Variants in KCNIP4 observed in about 807,000 individuals in gnomAD.
KCNIP4 encodes the protein potassium voltage-gated channel interacting protein 4.
In KCNIP4, 12 loss-of-function variants were observed where a neutral mutation model predicts 34.0. The observed-to-expected ratio is 0.35, with a 90% CI of 0.23 to 0.57. The LOEUF is 0.57. KCNIP4 is among the 20% of genes least tolerant of loss of function. The pLI is 0.83. For missense variants in KCNIP4, 238 were observed against 311.7 expected (o/e 0.76, Z 1.78); for synonymous variants, 124 against 102.2 (o/e 1.21, Z -1.29).
intron 1 of KCNIP4, among the ~76,000 whole-genome samples, chr4:21,296,933 T>G (rs970269089): frequency 7.3e-4 from 111 of 151,950 alleles, no homozygotes; most frequent in African/African-American, 2.6e-3. Context: ...ATCGGCATGT[T>G]GAACAATTAA....
In KCNIP4 at chr4:21,180,988, C is replaced by A. The variant is rs191381850; in HGVS notation, c.62-298279G>T. 9.5e-4 allele frequency among the ~76,000 whole-genome samples: 145 copies of A among 152,152 alleles called. 1 individual carries two copies. The highest frequency in any genetic ancestry group is 1.7e-3 in the Non-Finnish European group (115 of 68,000). ...GCTACAGGCAGAATATGACTTCTCC[C>A]AACCAAAGGCAACATTCTTGCTAAC... On this transcript the variant is annotated intron_variant, in intron 1 of 8. Coordinates refer to ENST00000382152, the MANE Select transcript of KCNIP4 (RefSeq NM_025221.6).
At chr4:21,070,889 A>T (rs1381813529) in intron 1 of KCNIP4, among the ~76,000 whole-genome samples, 1 of 151,488 alleles carries the variant, frequency 6.6e-6, no homozygotes, top group Non-Finnish European at 1.5e-5. Context: ...GTTAGCCAGG[A>T]TGGTCTTGAT....
chr4:21,418,487 A>T (rs1577330827), intron 1 of KCNIP4, among the ~76,000 whole-genome samples: 1 of 144,272 alleles, frequency 6.9e-6, no homozygotes, highest in African/African-American at 2.5e-5. Context: ...ACAAAGCAAG[A>T]CTCCATTTCA....
chr4:21,187,999 T>TC (rs1455907139), intron 1 of KCNIP4, among the ~76,000 whole-genome samples: 3 of 152,208 alleles, frequency 2.0e-5, no homozygotes, highest in Admixed American at 6.5e-5. Flanking sequence ...TGACAATTGC[T>TC]GCCAATTCCC....
chr4:21,256,508 A>G (rs2109092144), intron 1 of KCNIP4, among the ~76,000 whole-genome samples: 1 of 151,282 alleles, frequency 6.6e-6, no homozygotes, highest in Non-Finnish European at 1.5e-5. Flanking sequence ...CTGAGGTGGG[A>G]GGATTGCTGG....
intron 1 of KCNIP4, among the ~76,000 whole-genome samples, chr4:21,524,325 T>TC (rs1735791035): frequency 6.6e-6 from 1 of 152,106 alleles, no homozygotes; most frequent in South Asian, 2.1e-4. Flanking sequence ...CCCTATTATT[T>TC]CCCCATGTTT....
chr4:21,304,030 T>TGAGAGAGAGA lies in KCNIP4; in HGVS notation c.62-421331_62-421322dup, dbSNP rs770366497. 2.5e-3 allele frequency: 717 copies of TGAGAGAGAGA among 288,604 alleles called. 51 individuals are homozygous for TGAGAGAGAGA. The highest frequency in any genetic ancestry group is 0.016 in the African/African-American group (345 of 21,632). The allele number at this position is 288,604 out of a possible 1,614,324, so 17.9% of individuals were successfully genotyped here. On this transcript the variant is annotated intron_variant, in intron 1 of 8. Coordinates refer to ENST00000382152, the MANE Select transcript of KCNIP4 (RefSeq NM_025221.6). ...GGAGAAAGGGGAGGAGGAGAGCGTA[T>TGAGAGAGAGA]GAGAGAGAGAGAGAGAGAGAGAGAG...
At chr4:21,066,151 G>A (rs1744363838) in intron 1 of KCNIP4, among the ~76,000 whole-genome samples, 1 of 152,086 alleles carries the variant, frequency 6.6e-6, no homozygotes. Flanking sequence ...CAACACCGGT[G>A]GGAAATTTTA....
intron 1 of KCNIP4, among the ~76,000 whole-genome samples, chr4:20,989,367 C>T (rs1301476732): frequency 6.6e-6 from 1 of 152,036 alleles, no homozygotes; most frequent in Non-Finnish European, 1.5e-5. Context: ...GTATAGAGAG[C>T]AGAGTTGGCT....
intron 1 of KCNIP4, among the ~76,000 whole-genome samples, chr4:21,109,706 G>A (rs1748978778): frequency 1.3e-5 from 2 of 152,172 alleles, no homozygotes; most frequent in African/African-American, 4.8e-5. Flanking sequence ...CTCACGCTGG[G>A]AGCTGTAGAC....
At chr4:20,826,404 C>A (rs2149451394) in intron 3 of KCNIP4, among the ~76,000 whole-genome samples, 1 of 151,852 alleles carries the variant, frequency 6.6e-6, no homozygotes, top group East Asian at 1.9e-4. Context: ...GTGAGACCCC[C>A]ATCTCTAAAA....
Position 20,749,819 on chromosome 4 carries a change from CAGA to C in KCNIP4, c.359-90_359-88del, listed in dbSNP as rs1490629727. The C allele has an allele frequency of 2.9e-4, 235 of 808,856 alleles. 1 individual carries two copies. The East Asian group carries it at 6.2e-3, about 22-fold the overall frequency. 50.1% of individuals were successfully genotyped at this position (808,856 alleles called of 1,614,324 possible). A position where few individuals can be genotyped will look rare whatever the true frequency, so the allele number is the denominator to read the frequency against. On this transcript the variant is annotated intron_variant, in intron 4 of 8. Coordinates refer to ENST00000382152, the MANE Select transcript of KCNIP4 (RefSeq NM_025221.6). ...ATAGCAGTCCAAGCTTCCTTTGATC[CAGA>C]AGAATTAACTCTGCCTCCTTTAGTT...
At chr4:21,006,421 G>A (rs919731548) in intron 1 of KCNIP4, among the ~76,000 whole-genome samples, 1 of 152,192 alleles carries the variant, frequency 6.6e-6, no homozygotes, top group Admixed American at 6.5e-5. Context: ...TGTAAAAGAA[G>A]AGGACTTGCA....
chr4:21,442,693 G>A (rs568405858), intron 1 of KCNIP4, among the ~76,000 whole-genome samples: 25 of 151,756 alleles, frequency 1.6e-4, no homozygotes, highest in African/African-American at 4.1e-4. Context: ...ACTTTTCTCC[G>A]CCTCTCAACA....
intron 1 of KCNIP4, among the ~76,000 whole-genome samples, chr4:21,898,468 C>A (rs1727525430): frequency 6.6e-6 from 1 of 152,068 alleles, no homozygotes; most frequent in Non-Finnish European, 1.5e-5. Context: ...GGACAGGGCA[C>A]CAGACAGAGT....
intron 1 of KCNIP4, among the ~76,000 whole-genome samples, chr4:21,595,089 G>A (rs1470878180): frequency 6.6e-6 from 1 of 152,010 alleles, no homozygotes; most frequent in Non-Finnish European, 1.5e-5. Flanking sequence ...TGTCATCTAG[G>A]TTTTAAGTCC....
chr4:21,107,046 G>A lies in KCNIP4; in HGVS notation c.62-224337C>T, dbSNP rs958519417. Reference sequence around the variant, plus strand: ...TGTGGTCAATTTTGGAATAGGTGTGGTGTGGTGCTGAAAAAAATGTATATT... The same window carrying A: ...TGTGGTCAATTTTGGAATAGGTGTGATGTGGTGCTGAAAAAAATGTATATT... On this transcript the variant is annotated intron_variant, in intron 1 of 8. Coordinates refer to ENST00000382152, the MANE Select transcript of KCNIP4 (RefSeq NM_025221.6). Among the ~76,000 whole-genome samples the A allele has an allele frequency of 2.0e-5, 3 of 147,814 alleles. 1 individual carries two copies. Among genetic ancestry groups the A allele is most frequent in the African/African-American group, 5.2e-5 (2 of 38,520 alleles).
At chr4:20,769,190 TAAAG>T (rs1027886661) in intron 3 of KCNIP4, among the ~76,000 whole-genome samples, 10 of 152,202 alleles carry the variant, frequency 6.6e-5, no homozygotes, top group African/African-American at 2.2e-4. Flanking sequence ...CATCTTATAG[TAAAG>T]AAATGAGAAC....
chr4:21,948,153 G>A (rs547017709), intron 1 of KCNIP4, among the ~76,000 whole-genome samples: 1 of 152,282 alleles, frequency 6.6e-6, no homozygotes, highest in African/African-American at 2.4e-5. Context: ...GAAACGTGTG[G>A]GGGCATGAAG....
Sources: gnomAD v4.1 joint callset for allele counts (sites outside exome capture counted in the v4.1 genomes callset) on GRCh38, gnomAD v4.1.1 for gene constraint, MANE v1.5 for transcripts, NCBI Gene and HGNC (gene_info 2026-07-23, HGNC 2026-07-21) for gene names.